Variants in GPATCH3 observed in about 807,000 individuals in gnomAD.
The protein encoded by GPATCH3 is G-patch domain containing 3.
A neutral mutation model predicts 53.2 loss-of-function variants in GPATCH3; 45 were observed. The observed-to-expected ratio is 0.85, with a 90% confidence interval of 0.67 to 1.08. The LOEUF is 1.08. Ranked by LOEUF, GPATCH3 falls within the 50% of genes least tolerant of loss-of-function variation. The pLI, the probability that GPATCH3 is intolerant of heterozygous loss-of-function variation, is 0.00. For missense variants in GPATCH3, 680 were observed against 687.2 expected (o/e 0.99, Z 0.12); for synonymous variants, 280 against 270.6 (o/e 1.03, Z -0.34).
intron 6 of GPATCH3, among the ~76,000 whole-genome samples, chr1:26,891,622 C>T (rs1385010821): frequency 6.6e-6 from 1 of 152,152 alleles, no homozygotes; most frequent in African/African-American, 2.4e-5. Flanking sequence ...TCTCGGCTCA[C>T]TGCAACCTCC....
chr1:26,898,312 G>T (rs1294446213), intron 1 of GPATCH3, among the ~76,000 whole-genome samples: 3 of 151,900 alleles, frequency 2.0e-5, no homozygotes, highest in Non-Finnish European at 4.4e-5. Flanking sequence ...GGCTCCTGAT[G>T]AACTTTTTTT....
rs1479947647 is a variant in GPATCH3 at position 26,892,796 on chromosome 1, G to C, written c.1112-5C>G. 1 of 1,613,662 alleles carries C rather than the reference G, an allele frequency of 6.2e-7. No homozygotes were observed. The highest frequency in any genetic ancestry group is 2.2e-5 in the East Asian group (1 of 44,856). ...GGGCATCCTTGTCTCCACCATCTGA[G>C]GAAACAGAGCTCAGTTTATGGAAGC... On this transcript the variant is annotated splice_polypyrimidine_tract_variant and splice_region_variant and intron_variant, in intron 4 of 6. Transcript: ENST00000361720.
At position 26,897,428 on chromosome 1, in the gene GPATCH3, A is replaced by G; in HGVS notation, c.749T>C (p.Leu250Pro). The G allele has an allele frequency of 6.2e-7, 1 of 1,614,124 alleles. No individual in the cohort carries two copies. The highest frequency in any genetic ancestry group is 8.5e-7 in the Non-Finnish European group (1 of 1,180,024). ...EDSETVEQEE[L>P]VYTAEGEEIP... The stretch of plus-strand genomic sequence containing the variant: ...TTCTTCACCCTCTGCTGTATACACA[A>G]GCTCTTCCTGCTCCACAGTCTCTGA... Residue 250 changes from leucine to proline, a missense_variant, in exon 2 of 7, where the codon CTT (leucine) becomes CCT (proline). Coordinates refer to ENST00000361720, the MANE Select transcript of GPATCH3 (RefSeq NM_022078.3).
Position 26,897,587 on chromosome 1 carries a change from G to A in GPATCH3, c.590C>T (p.Thr197Ile). The change falls in exon 2 of 7, where the codon ACT (threonine) becomes ATT (isoleucine). Residue 197 changes from threonine to isoleucine, a missense_variant. Thr to Ile is a moderately conservative substitution (Grantham distance 89, BLOSUM62 -1). Transcript: ENST00000361720. ...PVLMPRGNVGTPLRVFLELIR... is the reference protein window; with the variant it reads ...PVLMPRGNVGIPLRVFLELIR... ...CAACTCCAAAAAGACCCGCAGGGGA[G>A]TCCCCACATTCCCTCTGGGCATCAG... 6.2e-7 allele frequency: 1 copy of A among 1,614,210 alleles called. No homozygotes were observed. Among genetic ancestry groups the A allele is most frequent in the South Asian group, 1.1e-5 (1 of 91,080 alleles).
chr1:26,890,759 G>A lies in GPATCH3; in HGVS notation c.*251C>T, dbSNP rs780113879. ...AAGTTCTGCAGGAGGCAAAGGGCAA[G>A]CCCAGAGATTAGGGTTAGAGACCAA... is the stretch of plus-strand genomic sequence containing the variant. On this transcript the variant is annotated 3_prime_UTR_variant, in exon 7 of 7. Transcript: ENST00000361720. 2.8e-6 allele frequency: 2 copies of A among 713,346 alleles called. No individual in the cohort carries two copies. The highest frequency in any genetic ancestry group is 2.8e-5 in the South Asian group (2 of 72,094). The allele number at this position is 713,346 out of a possible 1,614,324, so 44.2% of individuals were successfully genotyped here.
chr1:26,897,317 TCTTCTTCCTCTTCCTTCCCCA>T lies in GPATCH3; in HGVS notation c.839_859del (p.Val280_Glu286del). 3.1e-6 allele frequency: 5 copies of T among 1,614,074 alleles called. No homozygotes were observed. Among genetic ancestry groups the T allele is most frequent in the Non-Finnish European group, 4.2e-6 (5 of 1,179,978 alleles). On this transcript the variant is annotated inframe_deletion, in exon 2 of 7. Coordinates refer to ENST00000361720, the MANE Select transcript of GPATCH3 (RefSeq NM_022078.3). The stretch of plus-strand genomic sequence containing the variant: ...TGTACTCACCTCATCTGAGTGAGAC[TCTTCTTCCTCTTCCTTCCCCA>T]CTTCTTCCTCAGGCTCTCCACAGGG...
In GPATCH3 at chr1:26,897,418, T is replaced by G; in HGVS notation, c.759A>C (p.Thr253=). ...ETVEQEELVY[T]AEGEEIPQGT... ...CTTGGGGTATTTCTTCACCCTCTGC[T>G]GTATACACAAGCTCTTCCTGCTCCA... is the stretch of plus-strand genomic sequence containing the variant. The change falls in exon 2 of 7, where the codon ACA becomes ACC. Residue 253 remains threonine (T), a synonymous_variant. Transcript: ENST00000361720. 6.2e-7 allele frequency: 1 copy of G among 1,614,226 alleles called. No homozygotes were observed. Among genetic ancestry groups the G allele is most frequent in the Non-Finnish European group, 8.5e-7 (1 of 1,180,044 alleles).
intron 4 of GPATCH3, among the ~76,000 whole-genome samples, chr1:26,893,076 C>T (rs1238731178): frequency 6.6e-6 from 1 of 152,164 alleles, no homozygotes; most frequent in East Asian, 1.9e-4. Flanking sequence ...CGGGTCATTT[C>T]CTCTTCTAAA....
In GPATCH3 at chr1:26,894,217, G is replaced by A; in HGVS notation, c.1051+19C>T. The A allele has an allele frequency of 6.2e-7, 1 of 1,611,540 alleles. No homozygotes were observed. Among genetic ancestry groups the A allele is most frequent in the African/African-American group, 1.3e-5 (1 of 74,984 alleles). ...TGCAGCAGGGGTCACCCCTGCCTTTGCCTGGGTACCAGCATTACCTCCTTC... is the reference window on the plus strand; with the variant it reads ...TGCAGCAGGGGTCACCCCTGCCTTTACCTGGGTACCAGCATTACCTCCTTC... On this transcript the variant is annotated intron_variant, in intron 3 of 6. Coordinates refer to ENST00000361720, the MANE Select transcript of GPATCH3 (RefSeq NM_022078.3).
intron 1 of GPATCH3, among the ~76,000 whole-genome samples, chr1:26,899,321 G>A (rs1285604254): frequency 6.6e-6 from 1 of 152,162 alleles, no homozygotes; most frequent in Admixed American, 6.6e-5. Flanking sequence ...CTATCTCATA[G>A]GACTGTTGAG....
chr1:26,896,094 G>A (rs2081949561), intron 2 of GPATCH3, among the ~76,000 whole-genome samples: 1 of 152,136 alleles, frequency 6.6e-6, no homozygotes, highest in African/African-American at 2.4e-5. Context: ...TGAGAGTGGA[G>A]GCTACTGTTC....
chr1:26,897,829 A>C, intron 1 of GPATCH3, 104 bp from the exon 2 acceptor site: 1 of 891,270 alleles, frequency 1.1e-6, no homozygotes. Context: ...CCTAGTAAAC[A>C]TCTAGTAAAT....
chr1:26,892,834 G>T (rs368048283), intron 4 of GPATCH3, 43 bp from the exon 5 acceptor site: 1 of 1,601,798 alleles, frequency 6.2e-7, no homozygotes, highest in East Asian at 2.2e-5. Context: ...CCCTCTCAAA[G>T]AAGGGGGAAG....
intron 2 of GPATCH3, among the ~76,000 whole-genome samples, chr1:26,895,637 T>G (rs1162488515): frequency 1.3e-5 from 2 of 149,618 alleles, no homozygotes; most frequent in Non-Finnish European, 3.0e-5. Flanking sequence ...CAATCTTGGC[T>G]GGGAGCTTTT....
chr1:26,892,640 G>C, intron 5 of GPATCH3, 30 bp downstream of exon 5: 3 of 1,612,892 alleles, frequency 1.9e-6, no homozygotes, highest in Non-Finnish European at 2.5e-6. Flanking sequence ...AAAGAGAGGG[G>C]TCCATGGGGT....
rs149540976 is a variant in GPATCH3, at chr1:26,900,369, C to G, written c.74G>C (p.Arg25Pro). The G allele has an allele frequency of 6.2e-6, 10 of 1,614,018 alleles. No homozygotes were observed. Among genetic ancestry groups the G allele is most frequent in the Non-Finnish European group, 8.5e-6 (10 of 1,180,002 alleles). Residue 25 changes from arginine (R) to proline (P), a missense_variant, in exon 1 of 7, where the codon CGC becomes CCC. Physicochemically the swap from Arg to Pro is moderately radical, Grantham distance 103. Coordinates refer to ENST00000361720, the MANE Select transcript of GPATCH3 (RefSeq NM_022078.3). ...AAAATAGCTCCGTAAATGGGCCGAGCGCAACACGGAGGGGATACCGCTCAC... is the reference window on the plus strand; with the variant it reads ...AAAATAGCTCCGTAAATGGGCCGAGGGCAACACGGAGGGGATACCGCTCAC... ...LVVSGIPSVL[R>P]SAHLRSYFSQ...
Position 26,897,397 on chromosome 1 carries a change from G to A in GPATCH3, c.780C>T (p.Pro260=), listed in dbSNP as rs774298569. ...GTATATCTGCCAGGTAGGTTCCTTG[G>A]GGTATTTCTTCACCCTCTGCTGTAT... is the stretch of plus-strand genomic sequence containing the variant. ...LVYTAEGEEI[P]QGTYLADIPA... Residue 260 remains proline (P), a synonymous_variant, in exon 2 of 7, where the codon CCC becomes CCT. Coordinates refer to ENST00000361720, the MANE Select transcript of GPATCH3 (RefSeq NM_022078.3). The A allele has an allele frequency of 3.7e-6, 6 of 1,613,994 alleles. No homozygotes were observed. In the African/African-American group the frequency reaches 8.0e-5, roughly 22 times the overall value.
chr1:26,898,870 G>T (rs2081962398), intron 1 of GPATCH3, among the ~76,000 whole-genome samples: 1 of 151,848 alleles, frequency 6.6e-6, no homozygotes, highest in Non-Finnish European at 1.5e-5. Flanking sequence ...TCACCATGTT[G>T]CCCAGGCTGG....
chr1:26,893,322 G>T, intron 4 of GPATCH3, 67 bp downstream of exon 4: 3 of 1,240,034 alleles, frequency 2.4e-6, no homozygotes, highest in Non-Finnish European at 3.6e-6. Context: ...TGCTAGCTCT[G>T]GTAAAGTGTC....
Sources: allele counts gnomAD v4.1 joint callset (sites outside exome capture counted in the v4.1 genomes callset), GRCh38; gene constraint gnomAD v4.1.1; transcripts MANE v1.5; gene names NCBI Gene and HGNC (gene_info 2026-07-23, HGNC 2026-07-21).